The following COL20A1 variants were observed in gnomAD, a reference collection of about 807,000 sequenced individuals.
COL20A1 encodes collagen alpha-1(XX) chain.
Under a neutral mutation model 152.9 loss-of-function variants are expected in COL20A1, and 164 were observed. The observed-to-expected ratio is 1.07, with a 90% CI of 0.94 to 1.22. The LOEUF (loss-of-function observed/expected upper bound fraction) is 1.22, where lower values mean the gene tolerates loss of function less well. COL20A1 is among the 50% of genes most tolerant of loss of function. COL20A1 has a pLI of 0.00. For synonymous variants in COL20A1, 864 were observed against 756.0 expected (o/e 1.14, Z -2.34); for missense variants, 1,873 against 1,744.8 (o/e 1.07, Z -1.31).
intron 28 of COL20A1, 53 bp from the exon 29 acceptor site, chr20:63,325,615 C>T (rs1190896780): frequency 2.1e-5 from 33 of 1,581,380 alleles, no homozygotes; most frequent in Admixed American, 5.2e-5. Flanking sequence ...GGCAGGGCCA[C>T]CTCTGGATGT....
At chr20:63,325,896 C>G (rs1484191492) in intron 29 of COL20A1, among the ~76,000 whole-genome samples, 175 bp downstream of exon 29, 1 of 151,968 alleles carries the variant, frequency 6.6e-6, no homozygotes, top group Non-Finnish European at 1.5e-5. Flanking sequence ...GGCTGGAGAG[C>G]TCCAGCCCAC....
At chr20:63,294,841 G>T (rs949066394) in intron 1 of COL20A1, among the ~76,000 whole-genome samples, 2 of 152,250 alleles carry the variant, frequency 1.3e-5, no homozygotes, top group African/African-American at 2.4e-5. Context: ...GCAGCCCCCG[G>T]TGGTGTAAAT....
chr20:63,326,668 C>T (rs1248586581), intron 30 of COL20A1, 84 bp from the exon 31 acceptor site: 3 of 975,268 alleles, frequency 3.1e-6, no homozygotes, highest in Non-Finnish European at 2.9e-6. Flanking sequence ...TCAGGGGGCC[C>T]CTGGGACATC....
In COL20A1 at chr20:63,330,820, A is replaced by C. The variant is rs1025654368; in HGVS notation, c.*104A>C. 2 of 152,204 alleles carry C rather than the reference A, an allele frequency of 1.3e-5. No homozygotes were observed. The highest frequency in any genetic ancestry group is 2.9e-5 in the Non-Finnish European group (2 of 68,108). 9.4% of individuals were successfully genotyped at this position (152,204 alleles called of 1,614,324 possible). A position where few individuals can be genotyped will look rare whatever the true frequency, so the allele number is the denominator to read the frequency against. On this transcript the variant is annotated 3_prime_UTR_variant, in exon 36 of 36. Coordinates refer to ENST00000358894, the MANE Select transcript of COL20A1 (RefSeq NM_020882.4). ...CCTGGAGAAGCCAGGAGAAAAGCTC[A>C]GGAAGAGCCTGCAGGTGGAAGGAGA...
intron 27 of COL20A1, chr20:63,325,012 T>G: frequency 7.1e-6 from 2 of 283,616 alleles, no homozygotes; most frequent in African/African-American, 2.3e-5. Context: ...GGGGGTGAGG[T>G]TGGTTGGAAC....
chr20:63,316,142 C>T (rs919964285), intron 20 of COL20A1, among the ~76,000 whole-genome samples: 4 of 152,026 alleles, frequency 2.6e-5, no homozygotes, highest in African/African-American at 9.7e-5. Flanking sequence ...GGGAAAACGA[C>T]CCTGGGCGGG....
chr20:63,312,700 G>C (rs964247749), intron 15 of COL20A1, 92 bp from the exon 16 acceptor site: 2 of 1,461,764 alleles, frequency 1.4e-6, no homozygotes, highest in East Asian at 2.4e-5. Flanking sequence ...TGATGGATGG[G>C]GGTATAGGGT....
At chr20:63,307,404 T>C in intron 5 of COL20A1, 86 bp from the exon 6 acceptor site, 1 of 1,329,682 alleles carries the variant, frequency 7.5e-7, no homozygotes, top group East Asian at 2.4e-5. Context: ...CTCACTCTTG[T>C]GGCTGGAGCC....
chr20:63,329,660 A>G lies in COL20A1; in HGVS notation c.*2A>G. On this transcript the variant is annotated splice_region_variant and 3_prime_UTR_variant, in exon 35 of 36. Transcript: ENST00000358894. ...AGCACCCAGGGCCTCTGGGAGTGAC[A>G]GGTGAGCCCCTGCTGCCTGCATCTA... 1 of 1,582,420 alleles carries G rather than the reference A, an allele frequency of 6.3e-7. No individual in the cohort carries two copies. Among genetic ancestry groups the G allele is most frequent in the Non-Finnish European group, 8.6e-7 (1 of 1,168,766 alleles).
At chr20:63,315,541 G>T (rs1264518579) in intron 20 of COL20A1, 102 bp downstream of exon 20, 1 of 1,084,748 alleles carries the variant, frequency 9.2e-7, no homozygotes, top group Non-Finnish European at 1.3e-6. Flanking sequence ...CAGTGGTGGT[G>T]CAGTTGGAGG....
rs940248216 is a variant in COL20A1 at position 63,313,553 on chromosome 20, C to T, written c.2210-190C>T. 6.6e-6 allele frequency among the ~76,000 whole-genome samples: 1 copy of T among 151,712 alleles called. No individual in the cohort carries two copies. Among genetic ancestry groups the T allele is most frequent in the Non-Finnish European group, 1.5e-5 (1 of 67,900 alleles). On this transcript the variant is annotated intron_variant, in intron 17 of 35. Coordinates refer to ENST00000358894, the MANE Select transcript of COL20A1 (RefSeq NM_020882.4). This position sits in a 1 kb window ranked among gnomAD's most constrained non-coding sequence, Gnocchi z 5.9. ...GGCGTGGTGTGGGTGTGGTGGGGTG[C>T]GGTGTGGGCAGTGGCAGGGGTGTGG... is the stretch of plus-strand genomic sequence containing the variant.
rs1015270984 is a variant in COL20A1, at chr20:63,295,086, T to A, written c.-10-12T>A. The A allele has an allele frequency of 2.0e-6, 3 of 1,529,820 alleles. No individual in the cohort carries two copies. Among genetic ancestry groups the A allele is most frequent in the Non-Finnish European group, 2.7e-6 (3 of 1,131,232 alleles). The allele number at this position is 1,529,820 out of a possible 1,614,324, so 94.8% of individuals were successfully genotyped here. On this transcript the variant is annotated splice_polypyrimidine_tract_variant and intron_variant, in intron 1 of 35. Transcript: ENST00000358894. ...GGGACGGCTGAAGGGCATGGCCTCT[T>A]CCCTGCCACAGCCCGAGCACCATGA... is the stretch of plus-strand genomic sequence containing the variant.
rs569708805 is a variant in COL20A1, at chr20:63,316,869, C to A, written c.2663+178C>A. On this transcript the variant is annotated intron_variant, in intron 21 of 35. Coordinates refer to ENST00000358894, the MANE Select transcript of COL20A1 (RefSeq NM_020882.4). ...CCAGTACTCACACTTCAGAAATTCACATTTTACAAATTAATAAAATCTCCA... is the reference window on the plus strand; with the variant it reads ...CCAGTACTCACACTTCAGAAATTCAAATTTTACAAATTAATAAAATCTCCA... Among the ~76,000 whole-genome samples the A allele has an allele frequency of 2.6e-5, 4 of 152,348 alleles. No homozygotes were observed. The South Asian group carries it at 8.3e-4, about 32-fold the overall frequency.
At chr20:63,316,342 T>TG (rs980556615) in intron 20 of COL20A1, among the ~76,000 whole-genome samples, 1 of 151,150 alleles carries the variant, frequency 6.6e-6, no homozygotes, top group African/African-American at 2.4e-5. Context: ...TGGGGAGGGG[T>TG]GGGGGGCGAT....
chr20:63,308,507 C>T, intron 7 of COL20A1, 35 bp from the exon 8 acceptor site: 1 of 1,518,036 alleles, frequency 6.6e-7, no homozygotes, highest in Non-Finnish European at 8.9e-7. Context: ...GGGATGCTGG[C>T]AGCTGCCTGT....
chr20:63,311,639 G>T lies in COL20A1; in HGVS notation c.1554G>T (p.Arg518=). 6.2e-7 allele frequency: 1 copy of T among 1,609,972 alleles called. No homozygotes were observed. ...TGTCTCTGCAGGTGCAGGTCGGGCG[G>T]CCCGAGGTGCTGCTGGATGGCCTGG... is the stretch of plus-strand genomic sequence containing the variant. ...EEEEREVQVG[R]PEVLLDGLEP... is the part of the protein sequence containing the mutation. Residue 518 remains arginine (R), a synonymous_variant, in exon 13 of 36, where the codon CGG becomes CGT. Coordinates refer to ENST00000358894, the MANE Select transcript of COL20A1 (RefSeq NM_020882.4). The surrounding 1 kb of genome is among the most constrained non-coding windows in gnomAD (Gnocchi z 4.4).
At chr20:63,320,488 G>A in intron 25 of COL20A1, 120 bp downstream of exon 25, 5 of 1,021,618 alleles carry the variant, frequency 4.9e-6, no homozygotes, top group Non-Finnish European at 7.4e-6. Flanking sequence ...AGAGATCAGG[G>A]AAGGCTTTCA....
chr20:63,295,280 C>T (rs2067772930), intron 2 of COL20A1, 91 bp downstream of exon 2: 3 of 780,210 alleles, frequency 3.8e-6, no homozygotes, highest in Non-Finnish European at 2.1e-6. Flanking sequence ...CCCCTGAGCC[C>T]CGTCTTCCTC....
rs1048397851 is a variant in COL20A1, at chr20:63,319,131, C to T, written c.2737C>T (p.Arg913Cys). 6 of 1,613,164 alleles carry T rather than the reference C, an allele frequency of 3.7e-6. No homozygotes were observed. In the African/African-American group the frequency reaches 4.0e-5, roughly 11 times the overall value. ...TGTGCGCCTACTTCCCGAGACACCC[C>T]GTGAGGCCTTCGCGCTGTGGCAGAT... ...FLVRLLPETP[R>C]EAFALWQMTA... The change falls in exon 22 of 36, where the codon CGT becomes TGT. Residue 913 changes from arginine to cysteine, a missense_variant. Arg to Cys is a radical substitution (Grantham distance 180). Transcript: ENST00000358894. This position sits in a 1 kb window ranked among gnomAD's most constrained non-coding sequence, Gnocchi z 4.4.
Sources: allele counts gnomAD v4.1 joint callset (sites outside exome capture counted in the v4.1 genomes callset), GRCh38; gene constraint gnomAD v4.1.1; non-coding constraint Gnocchi (gnomAD v3.1); transcripts MANE v1.5; gene names NCBI Gene and HGNC (gene_info 2026-07-23, HGNC 2026-07-21).